The following POC1A variants were observed in gnomAD, a reference collection of about 807,000 sequenced individuals.
POC1A encodes the protein POC1 centriolar protein A.
A neutral mutation model predicts 47.8 loss-of-function variants in POC1A; 34 were observed. That is an observed-to-expected ratio of 0.71 (90% CI 0.54 to 0.95). The LOEUF (loss-of-function observed/expected upper bound fraction) is 0.95, where lower values mean the gene tolerates loss of function less well. POC1A is among the 40% of genes least tolerant of loss of function. The probability of loss-of-function intolerance (pLI) is 0.00; values close to 1 mark genes in which losing one functional copy is unlikely to be tolerated. For missense variants in POC1A, 466 were observed against 528.3 expected (o/e 0.88, Z 1.16); for synonymous variants, 177 against 207.6 (o/e 0.85, Z 1.27).
chr3:52,077,663 G>A (rs571570103), intron 10 of POC1A, among the ~76,000 whole-genome samples: 7 of 152,256 alleles, frequency 4.6e-5, no homozygotes, highest in South Asian at 4.1e-4. Flanking sequence ...TGGCTGGCCC[G>A]GGGCAGCATT....
chr3:52,134,937 G>A (rs1266188278), intron 7 of POC1A, among the ~76,000 whole-genome samples: 3 of 152,158 alleles, frequency 2.0e-5, no homozygotes, highest in Non-Finnish European at 2.9e-5. Context: ...TAGCAGCTGC[G>A]CTCCATCAGG....
At chr3:52,113,061 G>A (rs1357264753) in intron 9 of POC1A, among the ~76,000 whole-genome samples, 1 of 152,196 alleles carries the variant, frequency 6.6e-6, no homozygotes, top group African/African-American at 2.4e-5. Flanking sequence ...ACCACTGCAG[G>A]AGGCTTACCA....
chr3:52,149,725 A>T, intron 3 of POC1A, 91 bp downstream of exon 3: 1 of 1,249,104 alleles, frequency 8.0e-7, no homozygotes, highest in Non-Finnish European at 1.1e-6. Flanking sequence ...CACTGTGACC[A>T]GTCCAGAGCC....
intron 7 of POC1A, 111 bp downstream of exon 7, chr3:52,138,058 T>A: frequency 8.5e-7 from 1 of 1,179,614 alleles, no homozygotes; most frequent in Non-Finnish European, 1.2e-6. Flanking sequence ...CCTCCATCCA[T>A]CTCCCTGCAG....
intron 10 of POC1A, among the ~76,000 whole-genome samples, chr3:52,093,842 C>A (rs1435304854): frequency 6.6e-6 from 1 of 152,226 alleles, no homozygotes; most frequent in Non-Finnish European, 1.5e-5. Context: ...ACAGAGGTGA[C>A]CTCGCCACAT....
chr3:52,113,323 G>C (rs1484391162), intron 9 of POC1A, among the ~76,000 whole-genome samples: 1 of 152,172 alleles, frequency 6.6e-6, no homozygotes, highest in Non-Finnish European at 1.5e-5. Flanking sequence ...TGGCATCTTT[G>C]GTGCTCCTGG....
intron 9 of POC1A, among the ~76,000 whole-genome samples, chr3:52,113,465 G>A (rs1160587319): frequency 6.6e-6 from 1 of 152,240 alleles, no homozygotes; most frequent in Non-Finnish European, 1.5e-5. Flanking sequence ...CATTTTGGTA[G>A]GCCAAGGTGG....
intron 7 of POC1A, among the ~76,000 whole-genome samples, chr3:52,128,825 G>A (rs1704108520): frequency 6.6e-6 from 1 of 151,972 alleles, no homozygotes; most frequent in Non-Finnish European, 1.5e-5. Flanking sequence ...CAATTTTTTT[G>A]GTTTTATATA....
At chr3:52,151,923 C>G (rs1006928473) in intron 1 of POC1A, among the ~76,000 whole-genome samples, 5 of 150,754 alleles carry the variant, frequency 3.3e-5, no homozygotes, top group African/African-American at 4.9e-5. Context: ...AACAAACAAA[C>G]AAACGAACAA....
intron 9 of POC1A, among the ~76,000 whole-genome samples, chr3:52,102,512 G>T (rs1402879943): frequency 6.6e-6 from 1 of 152,128 alleles, no homozygotes; most frequent in African/African-American, 2.4e-5. Context: ...CTCTTCTAAG[G>T]ATACTTGTCA....
At chr3:52,134,300 A>G (rs894471659) in intron 7 of POC1A, among the ~76,000 whole-genome samples, 2 of 152,228 alleles carry the variant, frequency 1.3e-5, no homozygotes, top group African/African-American at 4.8e-5. Context: ...ATGGTGAATT[A>G]TACACATATG....
At chr3:52,149,756 G>A in intron 3 of POC1A, 60 bp downstream of exon 3, 4 of 1,522,878 alleles carry the variant, frequency 2.6e-6, no homozygotes, top group Non-Finnish European at 2.7e-6. Flanking sequence ...ACCTGGGTGG[G>A]GATGGCTCTG....
At chr3:52,131,534 C>T (rs1704210069) in intron 7 of POC1A, among the ~76,000 whole-genome samples, 1 of 152,186 alleles carries the variant, frequency 6.6e-6, no homozygotes, top group Admixed American at 6.5e-5. Context: ...GCACCAGTGC[C>T]ACCACGCGGG....
chr3:52,124,357 G>T (rs755106893), intron 8 of POC1A, among the ~76,000 whole-genome samples: 2 of 152,240 alleles, frequency 1.3e-5, no homozygotes, highest in Non-Finnish European at 2.9e-5. Context: ...CAGGGTGCCT[G>T]CCAGGAGACA....
intron 4 of POC1A, 82 bp downstream of exon 4, chr3:52,149,128 A>G (rs1030672456): frequency 3.3e-6 from 4 of 1,223,202 alleles, no homozygotes; most frequent in African/African-American, 1.5e-5. Flanking sequence ...GCCCGAGGTC[A>G]TAAGTTGGTA....
chr3:52,154,019 T>C (rs928769697), intron 1 of POC1A, among the ~76,000 whole-genome samples: 1 of 152,230 alleles, frequency 6.6e-6, no homozygotes, highest in Non-Finnish European at 1.5e-5. Context: ...AGCCACCCAC[T>C]GCTAAGGACG....
At chr3:52,152,983 T>C (rs1698604556) in intron 1 of POC1A, among the ~76,000 whole-genome samples, 1 of 152,180 alleles carries the variant, frequency 6.6e-6, no homozygotes, top group Non-Finnish European at 1.5e-5. Context: ...AAAGTATTAA[T>C]ATATTAGTTT....
chr3:52,091,145 G>C (rs1702631386), intron 10 of POC1A, among the ~76,000 whole-genome samples: 1 of 152,138 alleles, frequency 6.6e-6, no homozygotes, highest in Admixed American at 6.5e-5. Flanking sequence ...CCACAGGACA[G>C]GCGTGTGCTC....
intron 10 of POC1A, among the ~76,000 whole-genome samples, chr3:52,080,784 G>C (rs576131049): frequency 6.6e-6 from 1 of 152,344 alleles, no homozygotes; most frequent in Admixed American, 6.5e-5. Context: ...GAACTCGCCT[G>C]GGTCACTGCT....
Sources: gnomAD v4.1 joint callset for allele counts (sites outside exome capture counted in the v4.1 genomes callset) on GRCh38, gnomAD v4.1.1 for gene constraint, MANE v1.5 for transcripts, NCBI Gene and HGNC (gene_info 2026-07-23, HGNC 2026-07-21) for gene names.